Variants in RNF185 observed in about 807,000 individuals in gnomAD.
The protein encoded by RNF185 is E3 ubiquitin-protein ligase RNF185.
RNF185 carries 13 observed loss-of-function variants against 24.9 expected under a neutral mutation model. The observed-to-expected ratio is 0.52, with a 90% confidence interval of 0.34 to 0.83. The LOEUF (loss-of-function observed/expected upper bound fraction) is 0.83. Among genes scored for constraint, RNF185 ranks in the 40% least tolerant of loss-of-function variants. RNF185 has a pLI of 0.01. For synonymous variants in RNF185, 79 were observed against 90.3 expected (o/e 0.88, Z 0.71); for missense variants, 184 against 244.7 (o/e 0.75, Z 1.65).
rs373862898 is a variant in RNF185 at position 31,192,711 on chromosome 22, C to G, written c.195+9C>G. The G allele has an allele frequency of 1.2e-5, 20 of 1,612,778 alleles. No individual in the cohort carries two copies. Among genetic ancestry groups the G allele is most frequent in the Non-Finnish European group, 1.6e-5 (19 of 1,178,934 alleles). On this transcript the variant is annotated intron_variant, in intron 3 of 6. Coordinates refer to ENST00000326132, the MANE Select transcript of RNF185 (RefSeq NM_152267.4). The stretch of plus-strand genomic sequence containing the variant: ...GGCCGTGTTTACATCAGGTAAGATG[C>G]ATTTCATTTTACTTTGTCTTTCATC...
intron 1 of RNF185, among the ~76,000 whole-genome samples, chr22:31,164,838 G>C (rs8135875): frequency 1.3e-5 from 2 of 151,524 alleles, no homozygotes; most frequent in Non-Finnish European, 2.9e-5. Flanking sequence ...CACCTGCCTC[G>C]GCCTCCCAAA....
chr22:31,188,420 T>TA (rs1342672583), intron 2 of RNF185, among the ~76,000 whole-genome samples: 3 of 152,178 alleles, frequency 2.0e-5, no homozygotes, highest in Non-Finnish European at 4.4e-5. Flanking sequence ...TACTTCAGGG[T>TA]ATCGTAAAAC....
intron 1 of RNF185, among the ~76,000 whole-genome samples, chr22:31,171,548 C>T (rs1406531747): frequency 3.3e-5 from 5 of 152,228 alleles, no homozygotes; most frequent in South Asian, 2.1e-4. Flanking sequence ...GCACTGGTAA[C>T]AAATACAATG....
chr22:31,188,286 G>A (rs9621212), intron 2 of RNF185, among the ~76,000 whole-genome samples: 6,568 of 152,232 alleles, frequency 0.043, 544 homozygotes, highest in East Asian at 0.37. Context: ...TGGCAACAGC[G>A]TAAAACATCA....
intron 1 of RNF185, among the ~76,000 whole-genome samples, chr22:31,161,963 TC>T (rs2147912765): frequency 6.6e-6 from 1 of 151,194 alleles, no homozygotes; most frequent in East Asian, 1.9e-4. Flanking sequence ...CCTCAAGTGA[TC>T]CGCCTGCCTC....
intron 1 of RNF185, among the ~76,000 whole-genome samples, chr22:31,166,293 T>C (rs918045382): frequency 1.3e-5 from 2 of 152,092 alleles, no homozygotes; most frequent in Non-Finnish European, 2.9e-5. Context: ...GCCCTGCCGA[T>C]GTGCTCATTT....
intron 1 of RNF185, among the ~76,000 whole-genome samples, chr22:31,183,596 T>C (rs530434632): frequency 1.1e-4 from 16 of 152,064 alleles, no homozygotes; most frequent in Non-Finnish European, 1.9e-4. Flanking sequence ...TCTTAACGAG[T>C]ATGCTGCCTT....
chr22:31,168,498 G>T (rs916253399), intron 1 of RNF185, among the ~76,000 whole-genome samples: 1 of 152,134 alleles, frequency 6.6e-6, no homozygotes, highest in African/African-American at 2.4e-5. Flanking sequence ...CCATGTTTCA[G>T]CTATTGTGAA....
chr22:31,191,983 T>G (rs1490886243), intron 2 of RNF185, among the ~76,000 whole-genome samples: 2 of 152,106 alleles, frequency 1.3e-5, no homozygotes, highest in African/African-American at 2.4e-5. Flanking sequence ...ATTTTATGTT[T>G]CTGAGCTTTG....
rs2147921767 is a variant in RNF185, at chr22:31,168,053, C to T, written c.-49+7750C>T. ...TACCTCCAGAACTGTTTTCATCTTG[C>T]AAAAGTGAAACTCTGTGTCTATTAA... On this transcript the variant is annotated intron_variant, in intron 1 of 6. Coordinates refer to ENST00000326132, the MANE Select transcript of RNF185 (RefSeq NM_152267.4). 2.0e-5 allele frequency among the ~76,000 whole-genome samples: 3 copies of T among 152,308 alleles called. No individual in the cohort carries two copies. In the East Asian group the frequency reaches 5.8e-4, roughly 29 times the overall value.
In RNF185 at chr22:31,206,351, A is replaced by G. The variant is rs182880347; in HGVS notation, c.*1765A>G. The G allele has an allele frequency of 6.6e-6, 1 of 152,588 alleles. No individual in the cohort carries two copies. The allele number at this position is 152,588 out of a possible 1,614,324, so 9.5% of individuals were successfully genotyped here. Reference sequence around the variant, plus strand: ...TTATAGTGTGCCTGATAGATTTTAAACATTCCTGGGCACCCACTCAAGAGT... The same window carrying G: ...TTATAGTGTGCCTGATAGATTTTAAGCATTCCTGGGCACCCACTCAAGAGT... On this transcript the variant is annotated 3_prime_UTR_variant, in exon 7 of 7. Coordinates refer to ENST00000326132, the MANE Select transcript of RNF185 (RefSeq NM_152267.4).
intron 6 of RNF185, among the ~76,000 whole-genome samples, chr22:31,203,545 G>T (rs2048283594): frequency 6.6e-6 from 1 of 152,164 alleles, no homozygotes; most frequent in Non-Finnish European, 1.5e-5. Context: ...ATAATAACAT[G>T]TACAAAACAC....
chr22:31,202,189 T>C (rs2048269603), intron 6 of RNF185, among the ~76,000 whole-genome samples: 1 of 152,086 alleles, frequency 6.6e-6, no homozygotes, highest in South Asian at 2.1e-4. Context: ...TCCCTCCTAC[T>C]GCTTGAAAGT....
chr22:31,175,932 T>C (rs1417885393), intron 1 of RNF185, among the ~76,000 whole-genome samples: 1 of 152,158 alleles, frequency 6.6e-6, no homozygotes, highest in Non-Finnish European at 1.5e-5. Flanking sequence ...TTTCACATCT[T>C]TTATTTTGTA....
rs76218516 is a variant in RNF185, at chr22:31,184,882, C to G, written c.-48-2165C>G. Among the ~76,000 whole-genome samples, 5,180 of 143,490 alleles carry G rather than the reference C, an allele frequency of 0.036. 453 individuals carry two copies. In the East Asian group the frequency reaches 0.37, roughly 10 times the overall value. 94.1% of individuals were successfully genotyped at this position (143,490 alleles called of 152,430 possible). On this transcript the variant is annotated intron_variant, in intron 1 of 6. Coordinates refer to ENST00000326132, the MANE Select transcript of RNF185 (RefSeq NM_152267.4). The stretch of plus-strand genomic sequence containing the variant: ...TGGCGGCAGTACTGTCCAGCCTCAG[C>G]TCGGCATCAGAGGGAGACCGTGCAA...
chr22:31,197,070 C>T (rs766579662), intron 5 of RNF185, 80 bp downstream of exon 5: 19 of 1,577,872 alleles, frequency 1.2e-5, no homozygotes, highest in Non-Finnish European at 1.4e-5. Flanking sequence ...CAATTTTTCT[C>T]CTTGATTATA....
intron 1 of RNF185, among the ~76,000 whole-genome samples, chr22:31,180,517 T>A (rs1056495144): frequency 1.1e-4 from 16 of 139,258 alleles, no homozygotes; most frequent in African/African-American, 3.8e-4. Context: ...TCCACATTGT[T>A]AAAGACTTTT....
intron 6 of RNF185, among the ~76,000 whole-genome samples, chr22:31,203,908 G>A (rs1002268688): frequency 6.6e-6 from 1 of 151,914 alleles, no homozygotes; most frequent in African/African-American, 2.4e-5. Flanking sequence ...GGGTGTGGTG[G>A]TGCGTGCCTG....
In RNF185 at chr22:31,198,704, CTTTTTTTTTTTTTTT is replaced by C. The variant is rs1196076379; in HGVS notation, c.363+1727_363+1741del. Reference sequence around the variant, plus strand: ...GTGAGCCACCGCGCACTGCCACTTTCTTTTTTTTTTTTTTTTTTTTTTTTTTTGAGTTTGAATAAT... The same window carrying C: ...GTGAGCCACCGCGCACTGCCACTTTCTTTTTTTTTTTTGAGTTTGAATAAT... On this transcript the variant is annotated intron_variant, in intron 5 of 6. Coordinates refer to ENST00000326132, the MANE Select transcript of RNF185 (RefSeq NM_152267.4). Among the ~76,000 whole-genome samples, 5 of 69,678 alleles carry C rather than the reference CTTTTTTTTTTTTTTT, an allele frequency of 7.2e-5. No homozygotes were observed. The East Asian group carries it at 1.4e-3, about 20-fold the overall frequency. 45.7% of individuals were successfully genotyped at this position (69,678 alleles called of 152,430 possible).
Sources: gnomAD v4.1 joint callset for allele counts (sites outside exome capture counted in the v4.1 genomes callset) on GRCh38, gnomAD v4.1.1 for gene constraint, MANE v1.5 for transcripts, NCBI Gene and HGNC (gene_info 2026-07-23, HGNC 2026-07-21) for gene names.